TEX11: variants seen among roughly 807,000 people sequenced by gnomAD.
The protein encoded by TEX11 is testis-expressed protein 11.
TEX11 carries 7 observed loss-of-function variants against 84.4 expected under a neutral mutation model. That is an observed-to-expected ratio of 0.08 (90% CI 0.05 to 0.16). TEX11 has a LOEUF of 0.16. TEX11 is among the 10% of genes least tolerant of loss of function. The probability of loss-of-function intolerance (pLI) is 1.00; values close to 1 mark genes in which losing one functional copy is unlikely to be tolerated. For synonymous variants in TEX11, 264 were observed against 222.8 expected (o/e 1.18, Z -1.64); for missense variants, 551 against 660.5 (o/e 0.83, Z 1.82).
intron 4 of TEX11, among the ~76,000 whole-genome samples, chrX:70,872,898 C>T (rs2091636646): frequency 8.9e-6 from 1 of 111,877 alleles, no homozygotes. Context: ...TTTTGATCAT[C>T]TCCATGAGAA....
At chrX:70,907,987 TA>T (rs1009525553) in intron 1 of TEX11, among the ~76,000 whole-genome samples, 177 bp from the exon 2 acceptor site, 19 of 111,438 alleles carry the variant, frequency 1.7e-4, no homozygotes, top group African/African-American at 5.9e-4. Flanking sequence ...CCAAGTTACA[TA>T]AAAGGGACCT....
chrX:70,711,373 C>T (rs2048624022), intron 13 of TEX11, among the ~76,000 whole-genome samples: 1 of 110,486 alleles, frequency 9.1e-6, no homozygotes, highest in African/African-American at 3.3e-5. Context: ...CACTGACTTC[C>T]ACAATGGTTG....
At chrX:70,871,621 A>G (rs1399366979) in intron 4 of TEX11, among the ~76,000 whole-genome samples, 2 of 111,699 alleles carry the variant, frequency 1.8e-5, no homozygotes, top group Admixed American at 9.6e-5. Flanking sequence ...CTGCGCTGAT[A>G]ATCTATTCTC....
chrX:70,516,977 C>T, the TEX11 span, among the ~76,000 whole-genome samples: 1 of 111,710 alleles, frequency 9.0e-6, no homozygotes, highest in Admixed American at 9.5e-5. Flanking sequence ...ATTTTGTATC[C>T]TGAGACTTTG....
chrX:70,735,952 A>G (rs1006862757), intron 11 of TEX11, among the ~76,000 whole-genome samples: 1 of 111,443 alleles, frequency 9.0e-6, no homozygotes, highest in Non-Finnish European at 1.9e-5. Context: ...CCCATTTTCA[A>G]TTGGGTTGTT....
chrX:70,513,860 T>C, the TEX11 span, among the ~76,000 whole-genome samples: 2 of 108,554 alleles, frequency 1.8e-5, no homozygotes, highest in Non-Finnish European at 3.8e-5. Flanking sequence ...GATAATATTA[T>C]AAAATCAATT....
chrX:70,654,432 C>T (rs919358466), intron 16 of TEX11, among the ~76,000 whole-genome samples: 1 of 110,574 alleles, frequency 9.0e-6, no homozygotes, highest in African/African-American at 3.3e-5. Flanking sequence ...AAATAGAAGC[C>T]GGGCACGGTG....
intron 2 of TEX11, among the ~76,000 whole-genome samples, chrX:70,881,548 C>T (rs1194826108): frequency 9.1e-6 from 1 of 110,306 alleles, no homozygotes; most frequent in Admixed American, 9.8e-5. Context: ...TTTTAAGCTG[C>T]TAAAATAAAC....
intron 17 of TEX11, among the ~76,000 whole-genome samples, chrX:70,639,781 T>C (rs1213912209): frequency 2.7e-5 from 3 of 110,887 alleles, no homozygotes; most frequent in Non-Finnish European, 3.8e-5. Flanking sequence ...ATCACCATCA[T>C]CAAAGACCAA....
intron 2 of TEX11, among the ~76,000 whole-genome samples, chrX:70,880,967 A>T (rs1463649040): frequency 1.1e-5 from 1 of 93,034 alleles, no homozygotes; most frequent in African/African-American, 4.1e-5. Flanking sequence ...TGAGCCCAGG[A>T]GTTTGAAACA....
At chrX:70,732,030 T>C (rs1236729053) in intron 11 of TEX11, among the ~76,000 whole-genome samples, 9 of 111,904 alleles carry the variant, frequency 8.0e-5, no homozygotes, top group Non-Finnish European at 1.7e-4. Flanking sequence ...ATCCAGCATA[T>C]AAACAGAACC....
chrX:70,607,440 A>C lies in TEX11; in HGVS notation c.1880-411T>G, dbSNP rs199659925. ...TCCGTCTATACAAAAAAATTAAAAA[A>C]CAAACCAAAACAAAACAAAACTAGC... is the stretch of plus-strand genomic sequence containing the variant. On this transcript the variant is annotated intron_variant, in intron 22 of 29. Coordinates refer to ENST00000374333, the MANE Select transcript of TEX11 (RefSeq NM_031276.3). 3.6e-4 allele frequency among the ~76,000 whole-genome samples: 40 copies of C among 111,112 alleles called. No homozygotes were observed. In the East Asian group the frequency reaches 0.011, roughly 31 times the overall value.
At chrX:70,806,610 A>T in intron 9 of TEX11, 95 bp downstream of exon 9, 1 of 545,726 alleles carries the variant, frequency 1.8e-6, no homozygotes, top group South Asian at 2.9e-5. Context: ...CTGAAGTCAG[A>T]GAAGGTTTAA....
intron 9 of TEX11, among the ~76,000 whole-genome samples, chrX:70,750,933 A>AAATATATATATATATATATATAT (rs1390175136): frequency 7.1e-5 from 2 of 28,196 alleles, no homozygotes; most frequent in Non-Finnish European, 7.0e-5. Context: ...AAAAAAAAAA[A>AAATATATATATATATATATATAT]ATATATATAT....
intron 17 of TEX11, among the ~76,000 whole-genome samples, chrX:70,639,157 C>T (rs766884656): frequency 2.7e-5 from 3 of 111,660 alleles, no homozygotes; most frequent in South Asian, 3.8e-4. Flanking sequence ...AAAGGGGTGA[C>T]GGACGGCACC....
At chrX:70,565,600 C>A (rs2088456473) in intron 25 of TEX11, among the ~76,000 whole-genome samples, 1 of 110,919 alleles carries the variant, frequency 9.0e-6, no homozygotes, top group African/African-American at 3.3e-5. Flanking sequence ...AGGAAGGGAT[C>A]CAGTTTCAGC....
intron 8 of TEX11, among the ~76,000 whole-genome samples, chrX:70,821,080 G>C (rs2091316148): frequency 9.0e-6 from 1 of 111,386 alleles, no homozygotes. Context: ...TACAAAATGA[G>C]ACAAAATATT....
At chrX:70,718,229 A>G (rs2090524493) in intron 13 of TEX11, among the ~76,000 whole-genome samples, 2 of 112,349 alleles carry the variant, frequency 1.8e-5, no homozygotes, top group Non-Finnish European at 3.8e-5. Context: ...GTAGTTCTTT[A>G]CTGACATTAG....
rs1569309660 is a variant in TEX11, at chrX:70,529,140, C to T, written c.2733G>A (p.Lys911=). 4 of 1,208,615 alleles carry T rather than the reference C, an allele frequency of 3.3e-6. No homozygotes were observed. In the African/African-American group the frequency reaches 5.3e-5, roughly 16 times the overall value. ...AGCCATGTTCATGAAAAACTGGGCC[C>T]TTGTTGTTACTCAATGCTTCCACAA... ...SQLVEALSNN[K]GPVFHEHGYW... is the part of the protein sequence containing the mutation. Residue 911 remains lysine (K), a synonymous_variant, in exon 30 of 30, where the codon AAG becomes AAA. Coordinates refer to ENST00000374333, the MANE Select transcript of TEX11 (RefSeq NM_031276.3).
Sources: allele counts gnomAD v4.1 joint callset (sites outside exome capture counted in the v4.1 genomes callset), GRCh38; gene constraint gnomAD v4.1.1; transcripts MANE v1.5; gene names NCBI Gene and HGNC (gene_info 2026-07-23, HGNC 2026-07-21).